The following MOB3B variants were observed in gnomAD, a reference collection of about 807,000 sequenced individuals.
The protein encoded by MOB3B is MOB kinase activator-like 2B.
In MOB3B, 7 loss-of-function variants were observed where a neutral mutation model predicts 18.7. The observed-to-expected ratio is 0.37, with a 90% CI of 0.21 to 0.70. MOB3B has a LOEUF of 0.70. MOB3B is among the 30% of genes least tolerant of loss of function. MOB3B has a pLI of 0.52. For missense variants in MOB3B, 253 were observed against 281.3 expected (o/e 0.90, Z 0.72); for synonymous variants, 111 against 99.9 (o/e 1.11, Z -0.66).
intron 2 of MOB3B, among the ~76,000 whole-genome samples, chr9:27,451,635 G>A (rs1822786613): frequency 6.6e-6 from 1 of 152,138 alleles, no homozygotes; most frequent in Admixed American, 6.6e-5. Context: ...CAGTGGGGAG[G>A]AGATGAAGTT....
At chr9:27,336,947 G>A (rs916283231) in intron 3 of MOB3B, among the ~76,000 whole-genome samples, 1 of 152,224 alleles carries the variant, frequency 6.6e-6, no homozygotes. Flanking sequence ...CCCCGGAAAA[G>A]GCCGTCAAAG....
chr9:27,359,347 C>T (rs983218578), intron 2 of MOB3B, 111 bp from the exon 3 acceptor site: 6 of 797,284 alleles, frequency 7.5e-6, no homozygotes, highest in Admixed American at 4.3e-5. Flanking sequence ...GACTGGCACC[C>T]GTCACAGGAG....
intron 1 of MOB3B, among the ~76,000 whole-genome samples, chr9:27,499,387 T>A (rs1367541100): frequency 6.6e-6 from 1 of 152,034 alleles, no homozygotes; most frequent in Non-Finnish European, 1.5e-5. Flanking sequence ...ATGAACAGAG[T>A]CATCACGTAA....
At chr9:27,468,752 C>T (rs909105946) in intron 1 of MOB3B, among the ~76,000 whole-genome samples, 1 of 152,228 alleles carries the variant, frequency 6.6e-6, no homozygotes, top group African/African-American at 2.4e-5. Context: ...TAATCAAATA[C>T]CGCACAGATA....
At chr9:27,418,602 A>C (rs1053023628) in intron 2 of MOB3B, among the ~76,000 whole-genome samples, 2 of 152,234 alleles carry the variant, frequency 1.3e-5, no homozygotes, top group African/African-American at 2.4e-5. Context: ...ATCTCAATAG[A>C]TGCAGAAAAA....
At chr9:27,361,374 T>C (rs1327439817) in intron 2 of MOB3B, among the ~76,000 whole-genome samples, 1 of 152,054 alleles carries the variant, frequency 6.6e-6, no homozygotes, top group Non-Finnish European at 1.5e-5. Flanking sequence ...TAAAAGTTAC[T>C]CTTCAGTGGC....
At chr9:27,435,467 C>T (rs2131426910) in intron 2 of MOB3B, among the ~76,000 whole-genome samples, 1 of 152,246 alleles carries the variant, frequency 6.6e-6, no homozygotes, top group East Asian at 1.9e-4. Flanking sequence ...ACTGGGCATC[C>T]ATCCTTGCCC....
At chr9:27,523,117 A>C (rs1338826335) in intron 1 of MOB3B, among the ~76,000 whole-genome samples, 1 of 152,192 alleles carries the variant, frequency 6.6e-6, no homozygotes. Flanking sequence ...AAATTAATGT[A>C]TATCTTTTTT....
At chr9:27,518,746 A>T (rs1325982509) in intron 1 of MOB3B, among the ~76,000 whole-genome samples, 1 of 152,206 alleles carries the variant, frequency 6.6e-6, no homozygotes, top group African/African-American at 2.4e-5. Context: ...ATCATGTACA[A>T]AAAAGCAGCA....
chr9:27,444,266 A>AGGAG (rs796111653), intron 2 of MOB3B, among the ~76,000 whole-genome samples: 1 of 126,352 alleles, frequency 7.9e-6, no homozygotes, highest in Non-Finnish European at 1.6e-5. Flanking sequence ...GAAGGAAGGA[A>AGGAG]GGAGGGAGGG....
chr9:27,429,313 A>T (rs1416193817), intron 2 of MOB3B, among the ~76,000 whole-genome samples: 1 of 152,160 alleles, frequency 6.6e-6, no homozygotes, highest in African/African-American at 2.4e-5. Flanking sequence ...ATAGCCCCAC[A>T]TGGAAAAGTG....
intron 1 of MOB3B, chr9:27,524,852 C>G: frequency 6.2e-7 from 1 of 1,614,038 alleles, no homozygotes; most frequent in Non-Finnish European, 8.5e-7. Context: ...TAGACAATTT[C>G]CTGAAAGAAA....
chr9:27,457,647 T>A (rs1218670159), intron 1 of MOB3B, among the ~76,000 whole-genome samples: 2 of 151,386 alleles, frequency 1.3e-5, no homozygotes, highest in South Asian at 2.1e-4. Context: ...AACCCCACCC[T>A]CTTCCTAACA....
Position 27,325,928 on chromosome 9 carries a change from G to A in MOB3B, c.*4659C>T, listed in dbSNP as rs1158058630. 6.7e-6 allele frequency: 1 copy of A among 149,268 alleles called. No individual in the cohort carries two copies. Among genetic ancestry groups the A allele is most frequent in the African/African-American group, 2.5e-5 (1 of 40,684 alleles). 9.2% of individuals were successfully genotyped at this position (149,268 alleles called of 1,614,324 possible). ...GACATAAATCAGCACAAAAAGATAA[G>A]TGTAATTCTATTCAAGTCCCTTAAT... On this transcript the variant is annotated 3_prime_UTR_variant, in exon 4 of 4. Coordinates refer to ENST00000262244, the MANE Select transcript of MOB3B (RefSeq NM_024761.5).
At chr9:27,501,566 C>T (rs999009422) in intron 1 of MOB3B, among the ~76,000 whole-genome samples, 2 of 145,868 alleles carry the variant, frequency 1.4e-5, no homozygotes, top group African/African-American at 5.1e-5. Context: ...CACTTGGACA[C>T]AGGGAGAGGA....
chr9:27,419,577 G>C (rs1822208861), intron 2 of MOB3B, among the ~76,000 whole-genome samples: 1 of 152,138 alleles, frequency 6.6e-6, no homozygotes, highest in Non-Finnish European at 1.5e-5. Context: ...TTCAACAAAT[G>C]GTGCTGGGAT....
intron 2 of MOB3B, among the ~76,000 whole-genome samples, chr9:27,385,936 G>A (rs1475738276): frequency 6.6e-6 from 1 of 152,202 alleles, no homozygotes; most frequent in Non-Finnish European, 1.5e-5. Flanking sequence ...GTGAAGAGAG[G>A]GAATGAAGAA....
Position 27,326,727 on chromosome 9 carries a change from A to G in MOB3B, c.*3860T>C, listed in dbSNP as rs995390075. On this transcript the variant is annotated 3_prime_UTR_variant, in exon 4 of 4. Transcript: ENST00000262244. ...GAAAATACCCAGGGAAGAGAAAACG[A>G]ACAATTTAAGAAGCAGGAAATGACT... The G allele has an allele frequency of 5.0e-6, 2 of 397,082 alleles. No homozygotes were observed. Among genetic ancestry groups the G allele is most frequent in the African/African-American group, 4.1e-5 (2 of 48,620 alleles). 24.6% of individuals were successfully genotyped at this position (397,082 alleles called of 1,614,324 possible).
At chr9:27,506,832 ATTTTTTT>A (rs71492749) in intron 1 of MOB3B, among the ~76,000 whole-genome samples, 41 of 120,484 alleles carry the variant, frequency 3.4e-4, no homozygotes, top group African/African-American at 7.7e-4. Flanking sequence ...ACCCCGGCTA[ATTTTTTT>A]TTTTTTTTTT....
Sources: gnomAD v4.1 joint callset for allele counts (sites outside exome capture counted in the v4.1 genomes callset) on GRCh38, gnomAD v4.1.1 for gene constraint, MANE v1.5 for transcripts, NCBI Gene and HGNC (gene_info 2026-07-23, HGNC 2026-07-21) for gene names.